CADPS: variants seen among roughly 807,000 people sequenced by gnomAD.
CADPS encodes calcium-dependent secretion activator 1.
In CADPS, 57 loss-of-function variants were observed where a neutral mutation model predicts 167.3. That is an observed-to-expected ratio of 0.34 (90% CI 0.28 to 0.42). The LOEUF is 0.42. CADPS is among the 20% of genes least tolerant of loss of function. The pLI is 1.00. For synonymous variants in CADPS, 676 were observed against 635.3 expected, an observed-to-expected ratio of 1.06 and a Z score of -0.96; for missense variants, 1,414 against 1,738.1, an observed-to-expected ratio of 0.81 and a Z score of 3.32.
rs989088081 is a variant in CADPS, at chr3:62,601,404, G to T, written c.1326-8656C>A. Among the ~76,000 whole-genome samples, 21 of 152,158 alleles carry T rather than the reference G, an allele frequency of 1.4e-4. No individual in the cohort carries two copies. Among genetic ancestry groups the T allele is most frequent in the Non-Finnish European group, 3.1e-4 (21 of 68,038 alleles). On this transcript the variant is annotated intron_variant, in intron 6 of 29. Coordinates refer to ENST00000383710, the MANE Select transcript of CADPS (RefSeq NM_003716.4). The surrounding 1 kb of genome is among the most constrained non-coding windows in gnomAD (Gnocchi z 4.3). ...TTCTGGTCCTTTATAGAAAAAGTTT[G>T]CCGATCTCTGTTACAAACAGTTAAA...
intron 4 of CADPS, among the ~76,000 whole-genome samples, chr3:62,661,569 C>A (rs2073214748): frequency 6.6e-6 from 1 of 152,118 alleles, no homozygotes; most frequent in Non-Finnish European, 1.5e-5. Flanking sequence ...TCTTGATTAT[C>A]ATTCTAAAGA....
At chr3:62,816,088 AAC>A (rs2094597320) in intron 1 of CADPS, among the ~76,000 whole-genome samples, 1 of 152,170 alleles carries the variant, frequency 6.6e-6, no homozygotes, top group Non-Finnish European at 1.5e-5. Context: ...GCTTTAAATT[AAC>A]AGTTTCATGA....
At chr3:62,592,941 A>G (rs2086381619) in intron 6 of CADPS, among the ~76,000 whole-genome samples, 193 bp from the exon 7 acceptor site, 1 of 152,232 alleles carries the variant, frequency 6.6e-6, no homozygotes, top group African/African-American at 2.4e-5. Flanking sequence ...TGAAAGACAG[A>G]TGCTCAGAAA....
At chr3:62,599,390 A>T (rs74602247) in intron 6 of CADPS, among the ~76,000 whole-genome samples, 4,493 of 148,054 alleles carry the variant, frequency 0.03, 82 homozygotes, top group African/African-American at 0.048. Context: ...ATCTCAATTA[A>T]TATTTCTGAC....
rs189865208 is a variant in CADPS, at chr3:62,601,588, C to A, written c.1326-8840G>T. Among the ~76,000 whole-genome samples the A allele has an allele frequency of 6.6e-6, 1 of 152,308 alleles. No individual in the cohort carries two copies. Among genetic ancestry groups the A allele is most frequent in the East Asian group, 1.9e-4 (1 of 5,184 alleles). On this transcript the variant is annotated intron_variant, in intron 6 of 29. Transcript: ENST00000383710. The surrounding 1 kb of genome is among the most constrained non-coding windows in gnomAD (Gnocchi z 4.3). ...GCTGCTCTAAATTCTTCATGGAGCT[C>A]TTTCTAGCACTCTTAGTTTATTAGA...
chr3:62,555,505 G>A lies in CADPS; in HGVS notation c.1753+1900C>T, dbSNP rs56385855. On this transcript the variant is annotated intron_variant, in intron 10 of 29. Coordinates refer to ENST00000383710, the MANE Select transcript of CADPS (RefSeq NM_003716.4). ...CCCGGAGTCCCAGCTCAGCCACCAG[G>A]CAGTCTTAAACAATAGCCTTTGATA... is the stretch of plus-strand genomic sequence containing the variant. 4.7e-3 allele frequency among the ~76,000 whole-genome samples: 721 copies of A among 152,286 alleles called. 3 individuals carry two copies. Among genetic ancestry groups the A allele is most frequent in the African/African-American group, 0.017 (694 of 41,558 alleles).
At chr3:62,468,256 A>G (rs1287795816) in intron 24 of CADPS, among the ~76,000 whole-genome samples, 1 of 152,182 alleles carries the variant, frequency 6.6e-6, no homozygotes, top group Non-Finnish European at 1.5e-5. Flanking sequence ...TCACATGCTT[A>G]CTTTTCCTCC....
intron 27 of CADPS, among the ~76,000 whole-genome samples, chr3:62,441,807 G>T (rs952529372): frequency 6.6e-5 from 10 of 152,210 alleles, no homozygotes; most frequent in Admixed American, 5.2e-4. Context: ...CAAAGATGCT[G>T]TTTCAATTTT....
chr3:62,848,527 T>C (rs1214906375), intron 1 of CADPS, among the ~76,000 whole-genome samples: 17 of 141,386 alleles, frequency 1.2e-4, no homozygotes, highest in Non-Finnish European at 2.3e-4. Flanking sequence ...CACCATTTAT[T>C]AAATAGGGAA....
intron 3 of CADPS, among the ~76,000 whole-genome samples, chr3:62,740,862 C>A (rs2659466): frequency 0.38 from 57,233 of 152,006 alleles, 11,031 homozygotes; most frequent in South Asian, 0.48. Context: ...AAGGTTACAT[C>A]GATAATAAAT....
At position 62,599,719 on chromosome 3, in the gene CADPS, A is replaced by ATATACATAG. The variant is rs2059503465; in HGVS notation, c.1326-6972_1326-6971insCTATGTATA. ...TAATATATATATTATATAATATATA[A>ATATACATAG]TATATATAGTATATATAATATATAT... is the stretch of plus-strand genomic sequence containing the variant. On this transcript the variant is annotated intron_variant, in intron 6 of 29. Coordinates refer to ENST00000383710, the MANE Select transcript of CADPS (RefSeq NM_003716.4). Among the ~76,000 whole-genome samples, 2 of 47,810 alleles carry ATATACATAG rather than the reference A, an allele frequency of 4.2e-5. 1 individual carries two copies. Among genetic ancestry groups the ATATACATAG allele is most frequent in the Non-Finnish European group, 6.8e-5 (2 of 29,542 alleles). The allele number at this position is 47,810 out of a possible 152,430, so 31.4% of individuals were successfully genotyped here. A position where few individuals can be genotyped will look rare whatever the true frequency, so the allele number is the denominator to read the frequency against.
In CADPS at chr3:62,683,050, G is replaced by A. The variant is rs191544610; in HGVS notation, c.889-20656C>T. Among the ~76,000 whole-genome samples the A allele has an allele frequency of 4.6e-5, 7 of 152,196 alleles. No homozygotes were observed. In the East Asian group the frequency reaches 1.4e-3, roughly 30 times the overall value. On this transcript the variant is annotated intron_variant, in intron 3 of 29. Coordinates refer to ENST00000383710, the MANE Select transcript of CADPS (RefSeq NM_003716.4). ...GTGGCCAGAGGAAATGTTGGAAGCA[G>A]GTCAGTGTGGCTGGAGTAAGGGTGA...
intron 14 of CADPS, 146 bp downstream of exon 14, chr3:62,518,003 T>G (rs1577108284): frequency 1.5e-6 from 1 of 657,180 alleles, no homozygotes; most frequent in Non-Finnish European, 2.7e-6. Context: ...CGGAACCATA[T>G]CTGATTGATT....
chr3:62,604,167 T>C (rs1265129935), intron 6 of CADPS, among the ~76,000 whole-genome samples: 2 of 152,084 alleles, frequency 1.3e-5, no homozygotes, highest in Non-Finnish European at 2.9e-5. Flanking sequence ...CCAATTTTTA[T>C]TGAAAGCAAA....
At chr3:62,853,376 G>T (rs1246143206) in intron 1 of CADPS, among the ~76,000 whole-genome samples, 2 of 152,042 alleles carry the variant, frequency 1.3e-5, no homozygotes, top group Non-Finnish European at 2.9e-5. Context: ...TGTAATCCCA[G>T]CACTTTGGGA....
At chr3:62,713,814 T>A (rs961791773) in intron 3 of CADPS, among the ~76,000 whole-genome samples, 1 of 152,144 alleles carries the variant, frequency 6.6e-6, no homozygotes, top group African/African-American at 2.4e-5. Context: ...TCAGTGTCAC[T>A]CTCCAGGGAC....
chr3:62,604,779 A>G (rs1165879823), intron 6 of CADPS, among the ~76,000 whole-genome samples: 1 of 152,162 alleles, frequency 6.6e-6, no homozygotes, highest in East Asian at 1.9e-4. Flanking sequence ...CCCCATCTCC[A>G]TCACCCAGCT....
chr3:62,645,060 C>T (rs1197317365), intron 6 of CADPS, among the ~76,000 whole-genome samples: 2 of 152,100 alleles, frequency 1.3e-5, no homozygotes, highest in Non-Finnish European at 2.9e-5. Flanking sequence ...TACTACCTTG[C>T]TAATACATTC....
At chr3:62,761,225 C>T (rs1486695761) in intron 2 of CADPS, among the ~76,000 whole-genome samples, 1 of 152,088 alleles carries the variant, frequency 6.6e-6, no homozygotes, top group African/African-American at 2.4e-5. Context: ...GTTGTTGCTT[C>T]TGCTGTTGTT....
Sources: gnomAD v4.1 joint callset for allele counts (sites outside exome capture counted in the v4.1 genomes callset) on GRCh38, gnomAD v4.1.1 for gene constraint, Gnocchi (gnomAD v3.1) non-coding constraint, MANE v1.5 for transcripts, NCBI Gene and HGNC (gene_info 2026-07-23, HGNC 2026-07-21) for gene names.